The following CEP192 variants were observed in gnomAD, a reference collection of about 807,000 sequenced individuals.
The protein encoded by CEP192 is centrosomal protein 192.
Under a neutral mutation model 271.8 loss-of-function variants are expected in CEP192, and 151 were observed. The observed-to-expected ratio is 0.56, with a 90% CI of 0.49 to 0.64. The LOEUF (loss-of-function observed/expected upper bound fraction) is 0.64. Ranked by LOEUF, CEP192 falls within the 30% of genes least tolerant of loss-of-function variation. The pLI is 0.00. For synonymous variants in CEP192, 995 were observed against 1,076.5 expected (o/e 0.92, Z 1.48); for missense variants, 2,910 against 3,020.5 (o/e 0.96, Z 0.86).
chr18:13,041,581 CTTT>C (rs1173852772), intron 14 of CEP192, among the ~76,000 whole-genome samples: 2 of 141,524 alleles, frequency 1.4e-5, no homozygotes. Context: ...GAGACAGTCT[CTTT>C]TTTTTTTTTT....
chr18:13,090,514 T>A (rs2039090409), intron 33 of CEP192, among the ~76,000 whole-genome samples: 1 of 152,184 alleles, frequency 6.6e-6, no homozygotes, highest in Admixed American at 6.5e-5. Context: ...ATGGAATGTA[T>A]TTTGCTTCTG....
In CEP192 at chr18:13,017,177, T is replaced by G; in HGVS notation, c.641-11T>G. On this transcript the variant is annotated splice_polypyrimidine_tract_variant and intron_variant, in intron 6 of 44. Transcript: ENST00000506447. ...AAAGCATGTCCTGTTTTTTCTCGATTTTATCAATAGATGATGATATTGATG... is the reference window on the plus strand; with the variant it reads ...AAAGCATGTCCTGTTTTTTCTCGATGTTATCAATAGATGATGATATTGATG... The G allele has an allele frequency of 6.5e-7, 1 of 1,529,664 alleles. No individual in the cohort carries two copies. Among genetic ancestry groups the G allele is most frequent in the East Asian group, 2.5e-5 (1 of 40,458 alleles). 94.8% of individuals were successfully genotyped at this position (1,529,664 alleles called of 1,614,324 possible). A position where few individuals can be genotyped will look rare whatever the true frequency, so the allele number is the denominator to read the frequency against.
intron 1 of CEP192, among the ~76,000 whole-genome samples, chr18:12,994,265 T>TA (rs1274002091): frequency 6.6e-6 from 1 of 152,172 alleles, no homozygotes; most frequent in South Asian, 2.1e-4. Context: ...GACTTAATAA[T>TA]AAGAGATAAA....
intron 40 of CEP192, among the ~76,000 whole-genome samples, chr18:13,107,358 G>A (rs1240357380): frequency 3.3e-5 from 5 of 152,242 alleles, no homozygotes; most frequent in South Asian, 2.1e-4. Flanking sequence ...AAATAAATAA[G>A]CAAATTCCTG....
chr18:13,096,054 G>A (rs2144804109), intron 35 of CEP192, 130 bp from the exon 36 acceptor site: 1 of 921,220 alleles, frequency 1.1e-6, no homozygotes, highest in Non-Finnish European at 1.6e-6. Flanking sequence ...GGAAATTTCT[G>A]TAATTGAGCA....
intron 13 of CEP192, among the ~76,000 whole-genome samples, chr18:13,039,229 C>T (rs201525126): frequency 3.0e-4 from 46 of 151,900 alleles, no homozygotes; most frequent in African/African-American, 8.2e-4. Flanking sequence ...CTGAGGTGGG[C>T]GGATCACTTG....
chr18:13,112,287 T>C (rs1163913034), intron 40 of CEP192, among the ~76,000 whole-genome samples: 1 of 152,172 alleles, frequency 6.6e-6, no homozygotes, highest in Non-Finnish European at 1.5e-5. Context: ...TATTTGGCAG[T>C]GAAAAGGAAT....
intron 41 of CEP192, 52 bp from the exon 42 acceptor site, chr18:13,114,078 T>C: frequency 6.4e-7 from 1 of 1,554,232 alleles, no homozygotes; most frequent in Non-Finnish European, 8.7e-7. Context: ...AATGTCCATA[T>C]ATTTTCTTAG....
chr18:13,024,821 G>A (rs994099070), intron 9 of CEP192, among the ~76,000 whole-genome samples: 2 of 151,114 alleles, frequency 1.3e-5, no homozygotes, highest in Non-Finnish European at 2.9e-5. Flanking sequence ...CCAGGCTCTA[G>A]TGCAGTGGTG....
At chr18:13,017,133 A>T in intron 6 of CEP192, 55 bp from the exon 7 acceptor site, 1 of 1,377,016 alleles carries the variant, frequency 7.3e-7, no homozygotes, top group East Asian at 2.5e-5. Flanking sequence ...ATTACAAATT[A>T]TTGCTTAGTC....
At chr18:13,118,616 T>G (rs1283075330) in intron 44 of CEP192, among the ~76,000 whole-genome samples, 1 of 152,224 alleles carries the variant, frequency 6.6e-6, no homozygotes, top group Non-Finnish European at 1.5e-5. Flanking sequence ...AACTATAGAT[T>G]TTAGTTCTGA....
intron 30 of CEP192, among the ~76,000 whole-genome samples, chr18:13,080,179 C>T (rs1039585958): frequency 5.9e-5 from 9 of 152,270 alleles, no homozygotes; most frequent in African/African-American, 2.2e-4. Flanking sequence ...TGAAGAAAGT[C>T]ACTGGTAGCT....
intron 33 of CEP192, among the ~76,000 whole-genome samples, chr18:13,090,410 C>T (rs529015282): frequency 6.6e-6 from 1 of 152,294 alleles, no homozygotes; most frequent in South Asian, 2.1e-4. Context: ...AGTAAAATTA[C>T]AGGCATATAC....
intron 5 of CEP192, among the ~76,000 whole-genome samples, chr18:13,014,752 T>C (rs559278795): frequency 1.1e-4 from 16 of 152,280 alleles, no homozygotes; most frequent in African/African-American, 3.1e-4. Context: ...TAAAAATCAG[T>C]GCGCATTTTC....
intron 9 of CEP192, among the ~76,000 whole-genome samples, chr18:13,026,367 G>A (rs77176382): frequency 6.6e-6 from 1 of 152,024 alleles, no homozygotes; most frequent in Non-Finnish European, 1.5e-5. Context: ...TTTTTTCCAA[G>A]TACAGCCCTA....
In CEP192 at chr18:13,087,232, G is replaced by A. The variant is rs1347310357; in HGVS notation, c.5832G>A (p.Leu1944=). 6.2e-7 allele frequency: 1 copy of A among 1,611,154 alleles called. No individual in the cohort carries two copies. Among genetic ancestry groups the A allele is most frequent in the East Asian group, 2.2e-5 (1 of 44,818 alleles). Residue 1944 remains leucine (L), a synonymous_variant, in exon 31 of 45, where the codon TTG becomes TTA. Transcript: ENST00000506447. ...AAGTTTTGCTGGATCCTAAAGTATT[G>A]AGGATTTTTCCAGATAAATTTGTAC... ...QKKVLLDPKV[L]RIFPDKFVLK...
At chr18:13,109,157 C>A (rs569123539) in intron 40 of CEP192, among the ~76,000 whole-genome samples, 2 of 152,030 alleles carry the variant, frequency 1.3e-5, no homozygotes, top group African/African-American at 2.4e-5. Context: ...CGTTGATCAC[C>A]GGTGGATTGG....
chr18:13,089,640 A>G, intron 33 of CEP192, 75 bp downstream of exon 33: 1 of 711,150 alleles, frequency 1.4e-6, no homozygotes, highest in Non-Finnish European at 2.4e-6. Context: ...CAATGATGTG[A>G]TATAAGAAGG....
chr18:13,025,188 C>T (rs1310988808), intron 9 of CEP192, among the ~76,000 whole-genome samples: 6 of 151,842 alleles, frequency 4.0e-5, no homozygotes, highest in Admixed American at 1.3e-4. Context: ...TTATTCTTCT[C>T]TTTGTGGTTT....
Sources: allele counts gnomAD v4.1 joint callset (sites outside exome capture counted in the v4.1 genomes callset), GRCh38; gene constraint gnomAD v4.1.1; transcripts MANE v1.5; gene names NCBI Gene and HGNC (gene_info 2026-07-23, HGNC 2026-07-21).